SND1: variants seen among roughly 807,000 people sequenced by gnomAD.
The protein encoded by SND1 is staphylococcal nuclease and tudor domain containing 1, also known as staphylococcal nuclease domain-containing protein 1.
SND1 carries 38 observed loss-of-function variants against 121.7 expected under a neutral mutation model. That is an observed-to-expected ratio of 0.31 (90% CI 0.24 to 0.41). The LOEUF is 0.41. Ranked by LOEUF, SND1 falls within the 10% of genes least tolerant of loss-of-function variation. The pLI is 1.00. For synonymous variants in SND1, 401 were observed against 447.4 expected, an observed-to-expected ratio of 0.90 and a Z score of 1.31; for missense variants, 868 against 1,184.6, an observed-to-expected ratio of 0.73 and a Z score of 3.92.
rs1315166494 is a variant in SND1 at position 127,652,418 on chromosome 7, G to C, written c.45G>C (p.Ala15=). The part of the protein sequence containing the change: ...AQSGGSSGGP[A]VPTVQRGIIK... ...GCGGCGGCTCCTCCGGGGGACCCGCGGTCCCCACCGTGCAGCGGGGCATCA... is the reference window on the plus strand; with the variant it reads ...GCGGCGGCTCCTCCGGGGGACCCGCCGTCCCCACCGTGCAGCGGGGCATCA... Residue 15 remains alanine, a synonymous_variant, in exon 1 of 24, where the codon GCG becomes GCC. Coordinates refer to ENST00000354725, the MANE Select transcript of SND1 (RefSeq NM_014390.4). The C allele has an allele frequency of 7.5e-5, 117 of 1,569,078 alleles. No homozygotes were observed. The highest frequency in any genetic ancestry group is 9.6e-5 in the Non-Finnish European group (111 of 1,153,620).
intron 10 of SND1, among the ~76,000 whole-genome samples, chr7:127,793,313 G>T (rs548811677): frequency 3.9e-5 from 6 of 152,258 alleles, no homozygotes; most frequent in Admixed American, 1.3e-4. Context: ...GTGATATCGG[G>T]CGTGTTATTT....
intron 15 of SND1, among the ~76,000 whole-genome samples, chr7:127,929,662 A>T (rs7790113): frequency 6.6e-6 from 1 of 152,102 alleles, no homozygotes; most frequent in African/African-American, 2.4e-5. Flanking sequence ...TTCATTACCC[A>T]CTTGAAACAG....
At chr7:127,799,225 A>C (rs1798082779) in intron 10 of SND1, among the ~76,000 whole-genome samples, 1 of 152,186 alleles carries the variant, frequency 6.6e-6, no homozygotes. Context: ...CAAGAGCTGC[A>C]GTGCCTGGCT....
intron 2 of SND1, among the ~76,000 whole-genome samples, chr7:127,694,491 C>G (rs1346833292): frequency 6.6e-6 from 1 of 152,102 alleles, no homozygotes; most frequent in Non-Finnish European, 1.5e-5. Flanking sequence ...ATGGTATGTG[C>G]TATAAAAGCA....
At chr7:128,021,645 G>A (rs1803351669) in intron 16 of SND1, among the ~76,000 whole-genome samples, 1 of 152,136 alleles carries the variant, frequency 6.6e-6, no homozygotes, top group Non-Finnish European at 1.5e-5. Context: ...GACTAAATCA[G>A]CACCAGCTTA....
intron 12 of SND1, among the ~76,000 whole-genome samples, chr7:127,855,128 AT>A (rs1180881381): frequency 2.0e-5 from 3 of 151,366 alleles, no homozygotes; most frequent in African/African-American, 4.9e-5. Flanking sequence ...ATTCTATGGA[AT>A]TTTTTTTGAG....
At chr7:127,795,055 A>AT (rs1290480942) in intron 10 of SND1, among the ~76,000 whole-genome samples, 1 of 152,116 alleles carries the variant, frequency 6.6e-6, no homozygotes, top group Non-Finnish European at 1.5e-5. Context: ...TTATTTGTAG[A>AT]TTTTTTTAAA....
At chr7:127,694,493 A>G (rs1342473777) in intron 2 of SND1, among the ~76,000 whole-genome samples, 1 of 152,350 alleles carries the variant, frequency 6.6e-6, no homozygotes. Flanking sequence ...GGTATGTGCT[A>G]TAAAAGCATT....
intron 1 of SND1, among the ~76,000 whole-genome samples, chr7:127,653,910 G>A (rs1041713864): frequency 1.3e-5 from 2 of 152,162 alleles, no homozygotes; most frequent in East Asian, 3.8e-4. Context: ...CTGAAATACT[G>A]ACCTGACCCA....
At chr7:127,930,618 A>C (rs1427529877) in intron 15 of SND1, among the ~76,000 whole-genome samples, 2 of 152,218 alleles carry the variant, frequency 1.3e-5, no homozygotes, top group Non-Finnish European at 2.9e-5. Flanking sequence ...GAGATGCAAA[A>C]AAATTCATAC....
chr7:127,777,266 G>T (rs1276367331), intron 10 of SND1, among the ~76,000 whole-genome samples: 1 of 152,068 alleles, frequency 6.6e-6, no homozygotes, highest in African/African-American at 2.4e-5. Context: ...ATGGCAGTAG[G>T]GACTGAAAAA....
At chr7:127,703,363 G>GA (rs757577994) in intron 7 of SND1, 40 bp downstream of exon 7, 43 of 1,605,922 alleles carry the variant, frequency 2.7e-5, no homozygotes, top group Non-Finnish European at 8.5e-7. Flanking sequence ...ATGGGCTAGG[G>GA]ATGCATTTGG....
At chr7:127,662,217 A>G (rs1795326802) in intron 1 of SND1, among the ~76,000 whole-genome samples, 1 of 152,142 alleles carries the variant, frequency 6.6e-6, no homozygotes, top group Admixed American at 6.5e-5. Context: ...TGCTTCCAAA[A>G]TGTTTCATGC....
At chr7:128,087,225 C>G (rs1283531052) in intron 21 of SND1, among the ~76,000 whole-genome samples, 174 bp downstream of exon 21, 2 of 152,146 alleles carry the variant, frequency 1.3e-5, no homozygotes, top group Non-Finnish European at 2.9e-5. Context: ...TTAGAGCATT[C>G]CAGCTAGTTC....
intron 10 of SND1, among the ~76,000 whole-genome samples, chr7:127,788,602 A>G (rs1200029881): frequency 6.6e-6 from 1 of 152,136 alleles, no homozygotes; most frequent in African/African-American, 2.4e-5. Flanking sequence ...CAACTATGCG[A>G]CCCACTAAAA....
chr7:127,710,463 AG>A (rs1796279125), intron 9 of SND1, among the ~76,000 whole-genome samples: 1 of 151,724 alleles, frequency 6.6e-6, no homozygotes, highest in Non-Finnish European at 1.5e-5. Flanking sequence ...AAAAAAAAAA[AG>A]TCAGCAATGT....
At chr7:127,654,809 A>G (rs1304542317) in intron 1 of SND1, among the ~76,000 whole-genome samples, 1 of 152,196 alleles carries the variant, frequency 6.6e-6, no homozygotes, top group Non-Finnish European at 1.5e-5. Context: ...AGCTGAGTGA[A>G]CTGCAGAGTG....
At chr7:127,867,604 A>G (rs112576993) in intron 12 of SND1, among the ~76,000 whole-genome samples, 223 of 152,282 alleles carry the variant, frequency 1.5e-3, no homozygotes, top group African/African-American at 4.8e-3. Flanking sequence ...AACTCCCAGT[A>G]TGTAATTACC....
chr7:127,769,364 G>A (rs1219618881), intron 10 of SND1, among the ~76,000 whole-genome samples: 1 of 152,184 alleles, frequency 6.6e-6, no homozygotes, highest in Non-Finnish European at 1.5e-5. Context: ...TTGCCAAAGG[G>A]CAGGATGTAA....
Sources: gnomAD v4.1 joint callset for allele counts (sites outside exome capture counted in the v4.1 genomes callset) on GRCh38, gnomAD v4.1.1 for gene constraint, MANE v1.5 for transcripts, NCBI Gene and HGNC (gene_info 2026-07-23, HGNC 2026-07-21) for gene names.